SLC35F4: variants seen among roughly 807,000 people sequenced by gnomAD.
The protein encoded by SLC35F4 is solute carrier family 35 member F4.
Under a neutral mutation model 44.2 loss-of-function variants are expected in SLC35F4, and 24 were observed. The ratio of observed to expected loss-of-function variants is 0.54; its 90% confidence interval spans 0.39 to 0.76. SLC35F4 has a LOEUF of 0.76. Among genes scored for constraint, SLC35F4 ranks in the 30% least tolerant of loss-of-function variants. The pLI, the probability that SLC35F4 is intolerant of heterozygous loss-of-function variation, is 0.00. For synonymous variants in SLC35F4, 238 were observed against 223.6 expected (o/e 1.06, Z -0.57); for missense variants, 562 against 586.1 (o/e 0.96, Z 0.42).
At chr14:57,699,940 A>G (rs550012230) in intron 1 of SLC35F4, among the ~76,000 whole-genome samples, 20 of 152,304 alleles carry the variant, frequency 1.3e-4, no homozygotes, top group African/African-American at 4.8e-4. Context: ...AGGATAACTG[A>G]TTTACTACAG....
intron 1 of SLC35F4, among the ~76,000 whole-genome samples, chr14:57,628,655 C>T (rs1031056619): frequency 2.6e-5 from 4 of 151,756 alleles, no homozygotes; most frequent in Non-Finnish European, 4.4e-5. Flanking sequence ...GCTTAGTATT[C>T]CATGGTGTAT....
intron 1 of SLC35F4, among the ~76,000 whole-genome samples, chr14:57,799,009 G>A (rs1326579337): frequency 2.6e-5 from 4 of 152,140 alleles, no homozygotes; most frequent in Non-Finnish European, 4.4e-5. Flanking sequence ...ACAAAGTTTG[G>A]GATTGACACA....
At chr14:57,683,456 T>A (rs1052960163) in intron 1 of SLC35F4, among the ~76,000 whole-genome samples, 1 of 147,624 alleles carries the variant, frequency 6.8e-6, no homozygotes, top group African/African-American at 2.4e-5. Flanking sequence ...TAGGATCGCC[T>A]TTTCCCCTTC....
At chr14:57,923,728 T>C (rs1007896326) in intron 1 of SLC35F4, among the ~76,000 whole-genome samples, 23 of 152,224 alleles carry the variant, frequency 1.5e-4, no homozygotes, top group African/African-American at 4.8e-4. Context: ...CCCTCTTTAG[T>C]TGGAGAAGAG....
intron 1 of SLC35F4, among the ~76,000 whole-genome samples, chr14:57,901,316 T>C (rs952788343): frequency 2.6e-5 from 4 of 152,322 alleles, no homozygotes; most frequent in Admixed American, 2.6e-4. Context: ...GTGGTACATA[T>C]ACAACATAGA....
At chr14:57,922,084 T>C (rs1339067203) in intron 1 of SLC35F4, among the ~76,000 whole-genome samples, 1 of 152,204 alleles carries the variant, frequency 6.6e-6, no homozygotes, top group Non-Finnish European at 1.5e-5. Context: ...ATGAGATCTT[T>C]GATTCTGAAT....
intron 1 of SLC35F4, among the ~76,000 whole-genome samples, chr14:57,784,526 A>T (rs533479602): frequency 1.3e-5 from 2 of 152,106 alleles, no homozygotes; most frequent in Non-Finnish European, 1.5e-5. Flanking sequence ...TCTATAAAAA[A>T]AATTTTTTCT....
At chr14:57,906,754 TC>T (rs1214958507) in intron 1 of SLC35F4, among the ~76,000 whole-genome samples, 1 of 152,224 alleles carries the variant, frequency 6.6e-6, no homozygotes, top group African/African-American at 2.4e-5. Context: ...TGTCAAATAT[TC>T]CTAAGCTGTG....
chr14:57,744,157 A>C (rs2076695276), intron 1 of SLC35F4, among the ~76,000 whole-genome samples: 1 of 152,200 alleles, frequency 6.6e-6, no homozygotes, highest in Admixed American at 6.5e-5. Context: ...TTCCCTTTGA[A>C]AACTGGCACA....
At chr14:57,819,052 T>A (rs965030541) in intron 1 of SLC35F4, among the ~76,000 whole-genome samples, 1 of 152,234 alleles carries the variant, frequency 6.6e-6, no homozygotes, top group Non-Finnish European at 1.5e-5. Context: ...TTTAAAAAAA[T>A]TTTTTGAGGG....
intron 1 of SLC35F4, among the ~76,000 whole-genome samples, chr14:57,682,819 G>C (rs1345786656): frequency 6.6e-6 from 1 of 152,004 alleles, no homozygotes; most frequent in Non-Finnish European, 1.5e-5. Context: ...TAATCTCACT[G>C]TGTCTCAATG....
At chr14:57,851,301 T>C (rs1886538540) in intron 1 of SLC35F4, among the ~76,000 whole-genome samples, 1 of 152,172 alleles carries the variant, frequency 6.6e-6, no homozygotes, top group Admixed American at 6.5e-5. Context: ...TAGATAAAAC[T>C]CAGTGGAATT....
intron 1 of SLC35F4, among the ~76,000 whole-genome samples, chr14:57,760,827 T>C (rs1483512998): frequency 2.6e-5 from 4 of 152,206 alleles, no homozygotes; most frequent in Admixed American, 6.5e-5. Context: ...CCAATAATCA[T>C]GTAAGAAGGC....
At chr14:57,742,266 G>A (rs2076631288) in intron 1 of SLC35F4, among the ~76,000 whole-genome samples, 1 of 152,144 alleles carries the variant, frequency 6.6e-6, no homozygotes, top group Non-Finnish European at 1.5e-5. Context: ...CCAATTAAAA[G>A]ACACAGACTG....
At chr14:57,627,724 A>G (rs2072545449) in intron 1 of SLC35F4, among the ~76,000 whole-genome samples, 1 of 152,142 alleles carries the variant, frequency 6.6e-6, no homozygotes. Context: ...TTCCCGCATT[A>G]AGTAAAAATG....
In SLC35F4 at chr14:57,955,088, T is replaced by C. The variant is rs188335576; in HGVS notation, n.282+26825A>G. Among the ~76,000 whole-genome samples the C allele has an allele frequency of 4.6e-5, 7 of 152,040 alleles. No homozygotes were observed. The East Asian group carries it at 1.2e-3, about 25-fold the overall frequency. On this transcript the variant is annotated intron_variant and non_coding_transcript_variant, in intron 1 of 1. Transcript: ENST00000556568. ...ATTCAGCAGCACATCAAAAAGCTTATCCACCACGATCAAGCTGGCTTCATC... is the reference window on the plus strand; with the variant it reads ...ATTCAGCAGCACATCAAAAAGCTTACCCACCACGATCAAGCTGGCTTCATC...
At chr14:57,838,171 G>T (rs1312279324) in intron 1 of SLC35F4, among the ~76,000 whole-genome samples, 3 of 152,138 alleles carry the variant, frequency 2.0e-5, no homozygotes, top group Non-Finnish European at 2.9e-5. Context: ...CATAATAAAG[G>T]TTCTATGAGC....
Position 57,661,283 on chromosome 14 carries a change from C to A in SLC35F4, c.104-67159G>T, listed in dbSNP as rs118176483. ...CATTGGTATTACAGCCCGGGGACAG[C>A]ATTGAACAGGAACCCAGAGGAGCCC... On this transcript the variant is annotated intron_variant, in intron 1 of 7. Transcript: ENST00000556826. Among the ~76,000 whole-genome samples, 1,408 of 152,238 alleles carry A rather than the reference C, an allele frequency of 9.2e-3. 12 individuals carry two copies. The highest frequency in any genetic ancestry group is 0.015 in the Non-Finnish European group (1,003 of 68,016).
At chr14:57,666,275 G>A (rs1316065728) in intron 1 of SLC35F4, among the ~76,000 whole-genome samples, 2 of 152,174 alleles carry the variant, frequency 1.3e-5, no homozygotes, top group African/African-American at 4.8e-5. Flanking sequence ...GTATTCCTAA[G>A]GTTCCAAATA....
Sources: gnomAD v4.1 joint callset for allele counts (sites outside exome capture counted in the v4.1 genomes callset) on GRCh38, gnomAD v4.1.1 for gene constraint, MANE v1.5 for transcripts, NCBI Gene and HGNC (gene_info 2026-07-23, HGNC 2026-07-21) for gene names.